RORA: variants seen among roughly 807,000 people sequenced by gnomAD.
The protein encoded by RORA is RAR related orphan receptor A.
In RORA, 7 loss-of-function variants were observed where a neutral mutation model predicts 69.5. The ratio of observed to expected loss-of-function variants is 0.10; its 90% CI spans 0.06 to 0.19. The LOEUF (loss-of-function observed/expected upper bound fraction) is 0.19. RORA is among the 10% of genes least tolerant of loss of function. The probability of loss-of-function intolerance (pLI) is 1.00; values close to 1 mark genes in which losing one functional copy is unlikely to be tolerated. For missense variants in RORA, 457 were observed against 663.0 expected, an observed-to-expected ratio of 0.69 and a Z score of 3.41; for synonymous variants, 261 against 240.8, an observed-to-expected ratio of 1.08 and a Z score of -0.78.
At chr15:60,767,812 TG>T (rs1235617215) in intron 1 of RORA, among the ~76,000 whole-genome samples, 39 of 152,234 alleles carry the variant, frequency 2.6e-4, no homozygotes, top group African/African-American at 8.4e-4. Flanking sequence ...TCATGACCCC[TG>T]GGTCAGTTTG....
chr15:61,050,226 T>G (rs558465433), intron 1 of RORA, among the ~76,000 whole-genome samples: 1 of 152,340 alleles, frequency 6.6e-6, no homozygotes, highest in African/African-American at 2.4e-5. Flanking sequence ...GCTTTCACAC[T>G]GCAGCCGCAG....
At chr15:60,582,323 T>C (rs931885712) in intron 2 of RORA, among the ~76,000 whole-genome samples, 4 of 152,208 alleles carry the variant, frequency 2.6e-5, no homozygotes, top group African/African-American at 9.6e-5. Context: ...GTAGGAGGCA[T>C]TTGTTTGCCT....
intron 1 of RORA, among the ~76,000 whole-genome samples, chr15:60,839,876 G>A (rs1317694419): frequency 6.6e-6 from 1 of 152,178 alleles, no homozygotes; most frequent in Non-Finnish European, 1.5e-5. Flanking sequence ...CTAGTATGAA[G>A]GCTGGCATCT....
At chr15:60,691,715 G>A (rs954179206) in intron 1 of RORA, among the ~76,000 whole-genome samples, 1 of 152,206 alleles carries the variant, frequency 6.6e-6, no homozygotes, top group African/African-American at 2.4e-5. Flanking sequence ...GCAATCAATA[G>A]AAAAGTTAAA....
At chr15:60,917,156 C>T (rs1415622059) in intron 1 of RORA, among the ~76,000 whole-genome samples, 2 of 152,186 alleles carry the variant, frequency 1.3e-5, no homozygotes, top group African/African-American at 4.8e-5. Flanking sequence ...GGGCACCTAC[C>T]CGCCTCCCCA....
At chr15:60,781,212 T>C (rs1299492825) in intron 1 of RORA, among the ~76,000 whole-genome samples, 1 of 152,186 alleles carries the variant, frequency 6.6e-6, no homozygotes, top group Non-Finnish European at 1.5e-5. Flanking sequence ...TTGTCTCTTG[T>C]TAAGTCACTG....
At chr15:60,724,841 T>C (rs1007135652) in intron 1 of RORA, among the ~76,000 whole-genome samples, 4 of 152,196 alleles carry the variant, frequency 2.6e-5, no homozygotes, top group Admixed American at 2.0e-4. Flanking sequence ...GTGAATACTG[T>C]GCCTGAGATC....
chr15:61,049,514 A>C (rs1897201363), intron 1 of RORA, among the ~76,000 whole-genome samples: 1 of 152,222 alleles, frequency 6.6e-6, no homozygotes, highest in Non-Finnish European at 1.5e-5. Context: ...TCAACATAAA[A>C]AAATCCAGCA....
chr15:60,994,789 C>G (rs999205776), intron 1 of RORA, among the ~76,000 whole-genome samples: 21 of 152,214 alleles, frequency 1.4e-4, no homozygotes, highest in African/African-American at 4.8e-4. Flanking sequence ...TCCTTCCATG[C>G]CCTAGCCCAT....
chr15:60,544,587 A>G (rs2067010175), intron 2 of RORA, among the ~76,000 whole-genome samples: 1 of 152,182 alleles, frequency 6.6e-6, no homozygotes, highest in Admixed American at 6.5e-5. Context: ...ACAAGGCAAC[A>G]CCATGCTAAT....
chr15:60,978,444 C>A (rs1388215638), intron 1 of RORA, among the ~76,000 whole-genome samples: 1 of 152,108 alleles, frequency 6.6e-6, no homozygotes, highest in Non-Finnish European at 1.5e-5. Flanking sequence ...ATCCTATATA[C>A]AAATATTTTA....
chr15:60,924,676 G>A (rs1023058690), intron 1 of RORA, among the ~76,000 whole-genome samples: 6 of 152,148 alleles, frequency 3.9e-5, no homozygotes, highest in Non-Finnish European at 8.8e-5. Context: ...AAACCACAGG[G>A]CGGTGCGTGG....
intron 8 of RORA, among the ~76,000 whole-genome samples, chr15:60,501,769 G>A (rs1192978594): frequency 1.3e-5 from 2 of 151,962 alleles, no homozygotes; most frequent in African/African-American, 2.4e-5. Flanking sequence ...ATAATAATCC[G>A]TTTTCCAAAA....
intron 1 of RORA, among the ~76,000 whole-genome samples, chr15:60,832,749 C>T (rs970499638): frequency 6.6e-6 from 1 of 152,108 alleles, no homozygotes; most frequent in Non-Finnish European, 1.5e-5. Flanking sequence ...CATCATCTGT[C>T]ACATTTTGTT....
At chr15:60,568,130 T>C (rs191526322) in intron 2 of RORA, among the ~76,000 whole-genome samples, 3 of 152,212 alleles carry the variant, frequency 2.0e-5, no homozygotes, top group Non-Finnish European at 2.9e-5. Flanking sequence ...ACCACTGTTT[T>C]ATGGAGAGAA....
chr15:60,617,499 T>C (rs750005840), intron 2 of RORA, among the ~76,000 whole-genome samples: 4 of 152,058 alleles, frequency 2.6e-5, no homozygotes, highest in Middle Eastern at 3.2e-3. Context: ...ATCCTATCCA[T>C]AGACTCCCCC....
At chr15:61,145,389 C>G (rs2079337130) in intron 1 of RORA, among the ~76,000 whole-genome samples, 1 of 152,200 alleles carries the variant, frequency 6.6e-6, no homozygotes, top group Non-Finnish European at 1.5e-5. Flanking sequence ...GGTTAAGTAT[C>G]CAGTGCTCTG....
In RORA at chr15:60,752,954, TTGC is replaced by T. The variant is rs1307087864; in HGVS notation, c.167-74271_167-74269del. On this transcript the variant is annotated intron_variant, in intron 1 of 10. Transcript: ENST00000335670. ...GAGATTTTGCTTATGTTTCTTTGCT[TTGC>T]TTTTTGGCCCCTTTTCAAAACAACA... is the stretch of plus-strand genomic sequence containing the variant. Among the ~76,000 whole-genome samples the T allele has an allele frequency of 9.3e-4, 142 of 152,350 alleles. 1 individual carries two copies. The highest frequency in any genetic ancestry group is 3.2e-3 in the African/African-American group (132 of 41,598).
intron 1 of RORA, among the ~76,000 whole-genome samples, chr15:60,758,766 C>G (rs566300549): frequency 9.7e-4 from 147 of 152,270 alleles, no homozygotes; most frequent in Non-Finnish European, 1.5e-3. Flanking sequence ...GCAAAGTCAT[C>G]CTCAAATTAT....
Sources: gnomAD v4.1 joint callset for allele counts (sites outside exome capture counted in the v4.1 genomes callset) on GRCh38, gnomAD v4.1.1 for gene constraint, MANE v1.5 for transcripts, NCBI Gene and HGNC (gene_info 2026-07-23, HGNC 2026-07-21) for gene names.